Variants in PRKG1 observed in about 807,000 individuals in gnomAD.
PRKG1 encodes the protein cGMP-dependent protein kinase 1.
Under a neutral mutation model 88.1 loss-of-function variants are expected in PRKG1, and 35 were observed. That is an observed-to-expected ratio of 0.40 (90% CI 0.30 to 0.53). PRKG1 has a LOEUF of 0.53. Ranked by LOEUF, PRKG1 falls within the 20% of genes least tolerant of loss-of-function variation. PRKG1 has a pLI of 0.59. For synonymous variants in PRKG1, 303 were observed against 292.5 expected (o/e 1.04, Z -0.37); for missense variants, 540 against 839.8 (o/e 0.64, Z 4.41).
At chr10:51,885,768 C>G (rs1015990227) in intron 4 of PRKG1, among the ~76,000 whole-genome samples, 1 of 152,086 alleles carries the variant, frequency 6.6e-6, no homozygotes, top group South Asian at 2.1e-4. Flanking sequence ...TAGATGTTTC[C>G]TATTCCTTTC....
intron 3 of PRKG1, among the ~76,000 whole-genome samples, chr10:51,677,025 A>T (rs1453511151): frequency 6.6e-6 from 1 of 152,122 alleles, no homozygotes; most frequent in Admixed American, 6.6e-5. Context: ...AGCCCCCTGT[A>T]TGTGCCCTCC....
chr10:51,852,362 A>G (rs981748672), intron 4 of PRKG1, among the ~76,000 whole-genome samples: 1 of 150,302 alleles, frequency 6.7e-6, no homozygotes, highest in Admixed American at 6.6e-5. Flanking sequence ...ATAGATATAC[A>G]CACACACACA....
At chr10:51,993,257 T>G (rs117971315) in intron 5 of PRKG1, among the ~76,000 whole-genome samples, 2,085 of 152,286 alleles carry the variant, frequency 0.014, 16 homozygotes, top group African/African-American at 0.021. Context: ...AAGGTTTTTA[T>G]TTCCTCTTAA....
At chr10:51,691,276 G>A (rs761728723) in intron 3 of PRKG1, among the ~76,000 whole-genome samples, 14 of 149,132 alleles carry the variant, frequency 9.4e-5, no homozygotes, top group South Asian at 2.1e-4. Flanking sequence ...TACATGTGCC[G>A]AACCAGTTGC....
At chr10:51,587,976 A>G (rs1398822421) in intron 3 of PRKG1, among the ~76,000 whole-genome samples, 1 of 152,218 alleles carries the variant, frequency 6.6e-6, no homozygotes, top group African/African-American at 2.4e-5. Flanking sequence ...TCCCTGGTGT[A>G]TCATTGTTGC....
intron 3 of PRKG1, among the ~76,000 whole-genome samples, chr10:51,679,710 T>A (rs987557244): frequency 7.3e-6 from 1 of 136,342 alleles, no homozygotes; most frequent in African/African-American, 2.7e-5. Context: ...GGAACTTTTT[T>A]TTTTTTTTTT....
intron 3 of PRKG1, among the ~76,000 whole-genome samples, chr10:51,616,741 C>T (rs1247628803): frequency 6.6e-6 from 1 of 152,074 alleles, no homozygotes; most frequent in Non-Finnish European, 1.5e-5. Context: ...GTAGGATACA[C>T]AGGTGAGAAA....
At chr10:52,141,143 G>A (rs187539077) in intron 8 of PRKG1, among the ~76,000 whole-genome samples, 64 of 152,204 alleles carry the variant, frequency 4.2e-4, no homozygotes, top group Non-Finnish European at 7.5e-4. Context: ...TTATTGACTG[G>A]TGTGCTTCTC....
intron 2 of PRKG1, among the ~76,000 whole-genome samples, chr10:51,269,272 A>G (rs1839916347): frequency 6.6e-6 from 1 of 152,166 alleles, no homozygotes; most frequent in South Asian, 2.1e-4. Context: ...TTACACTGCT[A>G]GTGGGAATGT....
intron 12 of PRKG1, among the ~76,000 whole-genome samples, chr10:52,273,140 C>T (rs1056459158): frequency 3.3e-5 from 5 of 151,984 alleles, no homozygotes; most frequent in Non-Finnish European, 7.4e-5. Flanking sequence ...AATTCATTGT[C>T]TTAATTTTCC....
chr10:51,401,330 A>C (rs1273197493), intron 2 of PRKG1, among the ~76,000 whole-genome samples: 1 of 152,198 alleles, frequency 6.6e-6, no homozygotes, highest in Non-Finnish European at 1.5e-5. Flanking sequence ...AGTGACTACC[A>C]TTTGGAAAGA....
At chr10:51,090,120 A>T (rs918398275) in intron 1 of PRKG1, among the ~76,000 whole-genome samples, 2 of 152,188 alleles carry the variant, frequency 1.3e-5, no homozygotes, top group African/African-American at 4.8e-5. Context: ...GGATTATAAC[A>T]TTTCCCTGAT....
chr10:51,942,029 G>T (rs552263916), intron 5 of PRKG1, among the ~76,000 whole-genome samples: 13 of 151,926 alleles, frequency 8.6e-5, no homozygotes, highest in South Asian at 2.1e-4. Flanking sequence ...ATCGCCACAC[G>T]GACTTCCACA....
At chr10:51,522,739 G>C (rs904577508) in intron 3 of PRKG1, among the ~76,000 whole-genome samples, 1 of 151,956 alleles carries the variant, frequency 6.6e-6, no homozygotes, top group Non-Finnish European at 1.5e-5. Context: ...CAAAATATTG[G>C]TACAATGAAA....
intron 5 of PRKG1, among the ~76,000 whole-genome samples, chr10:52,013,057 T>A (rs1844936241): frequency 6.6e-6 from 1 of 152,144 alleles, no homozygotes; most frequent in African/African-American, 2.4e-5. Context: ...AATAGTAAAC[T>A]CAGGCTGCAT....
rs1181906678 is a variant in PRKG1 at position 52,029,820 on chromosome 10, CAG to C, written c.763-24663_763-24662del. Among the ~76,000 whole-genome samples the C allele has an allele frequency of 3.9e-5, 6 of 152,254 alleles. No individual in the cohort carries two copies. The East Asian group carries it at 1.2e-3, about 29-fold the overall frequency. ...TTCCCATTCTATAGATGATTAGAAACAGGGTATCTGGCTGCGTGCTGGACATG... is the reference window on the plus strand; with the variant it reads ...TTCCCATTCTATAGATGATTAGAAACGGTATCTGGCTGCGTGCTGGACATG... On this transcript the variant is annotated intron_variant, in intron 5 of 17. Transcript: ENST00000373980.
intron 2 of PRKG1, 35 bp from the exon 3 acceptor site, chr10:51,467,688 A>C: frequency 6.6e-7 from 1 of 1,504,614 alleles, no homozygotes; most frequent in Non-Finnish European, 9.2e-7. Context: ...ATGAGAAATA[A>C]TTTATATAAC....
chr10:52,173,469 T>C (rs1838767437), intron 9 of PRKG1, among the ~76,000 whole-genome samples: 1 of 152,190 alleles, frequency 6.6e-6, no homozygotes, highest in Non-Finnish European at 1.5e-5. Context: ...TAGAAAGAAG[T>C]GATTTGTAAA....
chr10:51,685,703 G>A (rs148374757), intron 3 of PRKG1, among the ~76,000 whole-genome samples: 4 of 152,228 alleles, frequency 2.6e-5, no homozygotes, highest in East Asian at 1.9e-4. Flanking sequence ...CTTCCATAAT[G>A]TGGTGGGGAA....
Sources: gnomAD v4.1 joint callset for allele counts (sites outside exome capture counted in the v4.1 genomes callset) on GRCh38, gnomAD v4.1.1 for gene constraint, MANE v1.5 for transcripts, NCBI Gene and HGNC (gene_info 2026-07-23, HGNC 2026-07-21) for gene names.